Variants in PPP2R2A observed in about 807,000 individuals in gnomAD.
The protein encoded by PPP2R2A is serine/threonine-protein phosphatase 2A 55 kDa regulatory subunit B alpha isoform.
A neutral mutation model predicts 53.2 loss-of-function variants in PPP2R2A; 9 were observed. That is an observed-to-expected ratio of 0.17 (90% confidence interval 0.10 to 0.30). PPP2R2A has a LOEUF of 0.30. Among genes scored for constraint, PPP2R2A ranks in the 10% least tolerant of loss-of-function variants. The pLI, the probability that PPP2R2A is intolerant of heterozygous loss-of-function variation, is 1.00. For synonymous variants in PPP2R2A, 169 were observed against 174.2 expected (o/e 0.97, Z 0.23); for missense variants, 235 against 534.6 (o/e 0.44, Z 5.53).
intron 3 of PPP2R2A, among the ~76,000 whole-genome samples, chr8:26,347,400 G>A (rs1012397764): frequency 3.3e-5 from 5 of 149,440 alleles, no homozygotes; most frequent in African/African-American, 7.4e-5. Context: ...GTGTGTCCAC[G>A]CGCATGTGCA....
intron 2 of PPP2R2A, among the ~76,000 whole-genome samples, chr8:26,309,135 A>G (rs770509891): frequency 1.3e-5 from 2 of 152,200 alleles, no homozygotes; most frequent in African/African-American, 2.4e-5. Flanking sequence ...TGCTGGGATT[A>G]CAGGAGTGAG....
At chr8:26,335,297 C>T (rs1043300263) in intron 2 of PPP2R2A, among the ~76,000 whole-genome samples, 13 of 152,172 alleles carry the variant, frequency 8.5e-5, no homozygotes, top group African/African-American at 2.7e-4. Context: ...CTTAGAAGAG[C>T]TTTCAAAGCA....
chr8:26,337,794 G>A (rs1490607339), intron 2 of PPP2R2A, among the ~76,000 whole-genome samples: 3 of 152,134 alleles, frequency 2.0e-5, no homozygotes, highest in African/African-American at 4.8e-5. Context: ...GTAACTTTTG[G>A]TAGATTCTGA....
intron 1 of PPP2R2A, chr8:26,293,220 G>A: frequency 6.5e-7 from 1 of 1,535,292 alleles, no homozygotes; most frequent in Non-Finnish European, 8.7e-7. Context: ...AGGTTCATAT[G>A]AATCATTACT....
intron 2 of PPP2R2A, among the ~76,000 whole-genome samples, chr8:26,300,101 C>G (rs1049448698): frequency 6.6e-6 from 1 of 152,132 alleles, no homozygotes; most frequent in African/African-American, 2.4e-5. Context: ...TTTTAAAATA[C>G]TAAGTTTTTT....
intron 2 of PPP2R2A, among the ~76,000 whole-genome samples, chr8:26,305,697 T>TA (rs1801985532): frequency 6.6e-6 from 1 of 152,180 alleles, no homozygotes; most frequent in African/African-American, 2.4e-5. Context: ...CATTTGGTAT[T>TA]ACACCCTACG....
At chr8:26,317,664 A>G (rs1156890930) in intron 2 of PPP2R2A, among the ~76,000 whole-genome samples, 2 of 152,232 alleles carry the variant, frequency 1.3e-5, no homozygotes, top group Admixed American at 1.3e-4. Context: ...GAACCAGTAA[A>G]AGGAGACCCA....
At position 26,366,379 on chromosome 8, in the gene PPP2R2A, T is replaced by C. The variant is rs1293627976; in HGVS notation, c.1037T>C (p.Phe346Ser). The C allele has an allele frequency of 6.3e-7, 1 of 1,596,256 alleles. No homozygotes were observed. Among genetic ancestry groups the C allele is most frequent in the Non-Finnish European group, 8.5e-7 (1 of 1,173,586 alleles). ...GAAAATGACTGCATATTTGACAAAT[T>C]TGAATGTTGTTGGAATGGATCTGAC... ...LYENDCIFDKFECCWNGSDSV... is the reference protein window; with the variant it reads ...LYENDCIFDKSECCWNGSDSV... Residue 346 changes from phenylalanine to serine, a missense_variant, in exon 9 of 10, where the codon TTT becomes TCT. This residue lies in a region of PPP2R2A where 181 missense variants were observed against 409.9 expected (regional missense o/e 0.44). Transcript: ENST00000380737.
At chr8:26,368,927 A>G (rs571911035) in intron 9 of PPP2R2A, among the ~76,000 whole-genome samples, 14 of 152,138 alleles carry the variant, frequency 9.2e-5, no homozygotes, top group South Asian at 2.1e-4. Context: ...TAACGTGGTG[A>G]AACCCTGTCT....
intron 3 of PPP2R2A, among the ~76,000 whole-genome samples, chr8:26,342,699 T>G (rs1804002573): frequency 6.6e-6 from 1 of 152,188 alleles, no homozygotes; most frequent in African/African-American, 2.4e-5. Context: ...TTTTGTTTTC[T>G]AGGGCTGCTG....
chr8:26,372,333 T>TGTGA lies in PPP2R2A; in HGVS notation c.*1920_*1921insGTGA. The TGTGA allele has an allele frequency of 6.6e-6, 1 of 152,222 alleles. No individual in the cohort carries two copies. The highest frequency in any genetic ancestry group is 1.5e-5 in the Non-Finnish European group (1 of 68,042). The allele number at this position is 152,222 out of a possible 1,614,324, so 9.4% of individuals were successfully genotyped here. A position where few individuals can be genotyped will look rare whatever the true frequency, so the allele number is the denominator to read the frequency against. On this transcript the variant is annotated 3_prime_UTR_variant, in exon 10 of 10. Transcript: ENST00000380737. ...CACAAGTGTCAAACAGTGATATTCT[T>TGTGA]CCTGTGTTGTGACTGGACAGTTTTC...
At chr8:26,314,461 C>T (rs1407042833) in intron 2 of PPP2R2A, among the ~76,000 whole-genome samples, 2 of 151,312 alleles carry the variant, frequency 1.3e-5, no homozygotes, top group African/African-American at 4.8e-5. Context: ...GATCTCACAT[C>T]TTTTTCTTTC....
chr8:26,360,709 C>A lies in PPP2R2A; in HGVS notation c.460-265C>A. The A allele has an allele frequency of 2.5e-6, 1 of 407,692 alleles. No individual in the cohort carries two copies. The highest frequency in any genetic ancestry group is 4.3e-6 in the Non-Finnish European group (1 of 233,064). 25.3% of individuals were successfully genotyped at this position (407,692 alleles called of 1,614,324 possible). A position where few individuals can be genotyped will look rare whatever the true frequency, so the allele number is the denominator to read the frequency against. ...GAACCATAAACATTTATTAGCTTGG[C>A]ATGTCTTTCAAGCAAAATATTGAAA... is the stretch of plus-strand genomic sequence containing the variant. On this transcript the variant is annotated intron_variant, in intron 5 of 9. Coordinates refer to ENST00000380737, the MANE Select transcript of PPP2R2A (RefSeq NM_002717.4). This position sits in a 1 kb window ranked among gnomAD's most constrained non-coding sequence, Gnocchi z 4.5.
At chr8:26,363,103 G>A (rs1213785874) in intron 7 of PPP2R2A, 20 of 335,544 alleles carry the variant, frequency 6.0e-5, no homozygotes, top group East Asian at 5.0e-4. Context: ...GGTAACTTGC[G>A]GTTGGGCTCT....
chr8:26,361,625 C>T (rs1585408044), intron 6 of PPP2R2A, among the ~76,000 whole-genome samples: 2 of 151,698 alleles, frequency 1.3e-5, no homozygotes, highest in African/African-American at 4.8e-5. Flanking sequence ...TTTTTTTCTT[C>T]TAATCAAATG....
intron 3 of PPP2R2A, among the ~76,000 whole-genome samples, chr8:26,349,436 T>G (rs1353202604): frequency 6.6e-6 from 1 of 152,216 alleles, no homozygotes; most frequent in Non-Finnish European, 1.5e-5. Context: ...AGAATAAAGC[T>G]GTAATGGGCA....
In PPP2R2A at chr8:26,362,805, A is replaced by G. The variant is rs142156798; in HGVS notation, c.759A>G (p.Leu253=). The part of the protein sequence containing the change: ...VYSSSKGTIR[L]CDMRASALCD... The stretch of plus-strand genomic sequence containing the variant: ...GCAGCAGTAAAGGAACTATTCGGCT[A>G]TGTGACATGAGGGCATCTGCCCTCT... The change falls in exon 7 of 10, where the codon CTA becomes CTG. Residue 253 remains leucine, a synonymous_variant. Coordinates refer to ENST00000380737, the MANE Select transcript of PPP2R2A (RefSeq NM_002717.4). The surrounding 1 kb of genome is among the most constrained non-coding windows in gnomAD (Gnocchi z 4.4). 5,393 of 1,614,056 alleles carry G rather than the reference A, an allele frequency of 3.3e-3. 25 individuals are homozygous for G. Among genetic ancestry groups the G allele is most frequent in the Non-Finnish European group, 3.2e-3 (3,749 of 1,179,948 alleles).
At chr8:26,299,448 CTTATT>C (rs1211451230) in intron 2 of PPP2R2A, among the ~76,000 whole-genome samples, 4 of 152,068 alleles carry the variant, frequency 2.6e-5, no homozygotes, top group African/African-American at 4.8e-5. Context: ...CTTATAAAGT[CTTATT>C]TTATGAAACT....
intron 9 of PPP2R2A, among the ~76,000 whole-genome samples, chr8:26,367,546 C>T (rs1805442329): frequency 6.6e-6 from 1 of 152,192 alleles, no homozygotes; most frequent in Admixed American, 6.5e-5. Context: ...GACCCAGGTT[C>T]CCCTGTCGCT....
Sources: allele counts gnomAD v4.1 joint callset (sites outside exome capture counted in the v4.1 genomes callset), GRCh38; gene constraint gnomAD v4.1.1; regional missense constraint gnomAD v4.1.1; non-coding constraint Gnocchi (gnomAD v3.1); transcripts MANE v1.5; gene names NCBI Gene and HGNC (gene_info 2026-07-23, HGNC 2026-07-21).